Variants in AP1G1 observed in about 807,000 individuals in gnomAD.
AP1G1 encodes the protein adaptor related protein complex 1 subunit gamma 1.
In AP1G1, 7 loss-of-function variants were observed where a neutral mutation model predicts 108.3. The observed-to-expected ratio is 0.06, with a 90% CI of 0.04 to 0.12. AP1G1 has a LOEUF of 0.12. Among genes scored for constraint, AP1G1 ranks in the 10% least tolerant of loss-of-function variants. The probability of loss-of-function intolerance (pLI) is 1.00; values close to 1 mark genes in which losing one functional copy is unlikely to be tolerated. For synonymous variants in AP1G1, 379 were observed against 353.5 expected (o/e 1.07, Z -0.81); for missense variants, 756 against 1,010.7 (o/e 0.75, Z 3.42).
Position 71,808,796 on chromosome 16 carries a change from G to T in AP1G1, c.-37C>A. On this transcript the variant is annotated 5_prime_UTR_variant, in exon 1 of 23. Coordinates refer to ENST00000299980, the MANE Select transcript of AP1G1 (RefSeq NM_001128.6). ...AACCTCGAATGAAACCAGCAGCTCC[G>T]GGGGCGGCGGCAGCAGTGGCAGCAG... 1 of 1,289,628 alleles carries T rather than the reference G, an allele frequency of 7.8e-7. No homozygotes were observed. The highest frequency in any genetic ancestry group is 1.0e-6 in the Non-Finnish European group (1 of 988,746). The allele number at this position is 1,289,628 out of a possible 1,614,324, so 79.9% of individuals were successfully genotyped here.
intron 22 of AP1G1, 144 bp downstream of exon 22, chr16:71,734,465 A>G: frequency 1.5e-6 from 1 of 670,226 alleles, no homozygotes; most frequent in Non-Finnish European, 2.6e-6. Flanking sequence ...TATTTACAAA[A>G]GAGCAAGGAA....
At chr16:71,754,276 A>AGATG (rs1184353914) in intron 12 of AP1G1, among the ~76,000 whole-genome samples, 1 of 151,306 alleles carries the variant, frequency 6.6e-6, no homozygotes, top group African/African-American at 2.4e-5. Context: ...GAAGGAAAGA[A>AGATG]GATGGAAGGA....
chr16:71,796,154 A>G (rs968248006), intron 1 of AP1G1, among the ~76,000 whole-genome samples: 1 of 152,184 alleles, frequency 6.6e-6, no homozygotes, highest in Non-Finnish European at 1.5e-5. Context: ...TGGGAGGATC[A>G]CTTGAGCCAA....
intron 13 of AP1G1, among the ~76,000 whole-genome samples, chr16:71,750,878 C>T (rs904309420): frequency 6.6e-6 from 1 of 150,906 alleles, no homozygotes; most frequent in African/African-American, 2.4e-5. Context: ...GTCCAAAGGC[C>T]GGGTGTGGTG....
chr16:71,732,965 G>T lies in AP1G1; in HGVS notation c.*93C>A. On this transcript the variant is annotated 3_prime_UTR_variant, in exon 23 of 23. Transcript: ENST00000299980. ...GTTCTCTTCAGCTCCTCATGCCCGTGGTACAGTTGGGGGGGACTTGCCAGC... is the reference window on the plus strand; with the variant it reads ...GTTCTCTTCAGCTCCTCATGCCCGTTGTACAGTTGGGGGGGACTTGCCAGC... 1 of 943,182 alleles carries T rather than the reference G, an allele frequency of 1.1e-6. No homozygotes were observed. 58.4% of individuals were successfully genotyped at this position (943,182 alleles called of 1,614,324 possible). A position where few individuals can be genotyped will look rare whatever the true frequency, so the allele number is the denominator to read the frequency against.
chr16:71,801,110 C>T (rs1252889170), intron 1 of AP1G1, among the ~76,000 whole-genome samples: 1 of 152,030 alleles, frequency 6.6e-6, no homozygotes, highest in Non-Finnish European at 1.5e-5. Context: ...AGTTTGATAC[C>T]AGCCAGGCCA....
At chr16:71,794,499 T>C (rs1008648463) in intron 1 of AP1G1, among the ~76,000 whole-genome samples, 2 of 152,186 alleles carry the variant, frequency 1.3e-5, no homozygotes, top group Non-Finnish European at 2.9e-5. Flanking sequence ...TTTCAGTTTT[T>C]ATTAACAGTT....
rs780767852 is a variant in AP1G1, at chr16:71,733,169, G to A, written c.2368-10C>T. 1.2e-6 allele frequency: 2 copies of A among 1,602,490 alleles called. No individual in the cohort carries two copies. The highest frequency in any genetic ancestry group is 1.3e-5 in the African/African-American group (1 of 74,596). On this transcript the variant is annotated splice_polypyrimidine_tract_variant and intron_variant, in intron 22 of 22. Transcript: ENST00000299980. ...GCATTCGCAGCTGTTGCTATAAGAGGAAAAGAGAAGTGCAAATTATATACT... is the reference window on the plus strand; with the variant it reads ...GCATTCGCAGCTGTTGCTATAAGAGAAAAAGAGAAGTGCAAATTATATACT...
chr16:71,765,450 T>C lies in AP1G1; in HGVS notation c.738+39A>G, dbSNP rs369646846. The C allele has an allele frequency of 1.1e-4, 165 of 1,451,042 alleles. 1 individual carries two copies. The highest frequency in any genetic ancestry group is 1.8e-4 in the Admixed American group (10 of 56,350). 89.9% of individuals were successfully genotyped at this position (1,451,042 alleles called of 1,614,324 possible). A position where few individuals can be genotyped will look rare whatever the true frequency, so the allele number is the denominator to read the frequency against. ...AAATTGTCTACTTAAAGATATTAAA[T>C]TCATATAACATTTATTTAAAACGTT... is the stretch of plus-strand genomic sequence containing the variant. On this transcript the variant is annotated intron_variant, in intron 7 of 22. Coordinates refer to ENST00000299980, the MANE Select transcript of AP1G1 (RefSeq NM_001128.6).
At position 71,744,951 on chromosome 16, in the gene AP1G1, C is replaced by A. The variant is rs564336362; in HGVS notation, c.1999+193G>T. Among the ~76,000 whole-genome samples the A allele has an allele frequency of 2.6e-5, 4 of 152,276 alleles. No homozygotes were observed. The Middle Eastern group carries it at 0.014, about 518-fold the overall frequency. On this transcript the variant is annotated intron_variant, in intron 19 of 22. Coordinates refer to ENST00000299980, the MANE Select transcript of AP1G1 (RefSeq NM_001128.6). ...AATTAGGAGTTTGCCTTTAAGAAATCCGTATAAATTATCTTTAGAGCATTA... is the reference window on the plus strand; with the variant it reads ...AATTAGGAGTTTGCCTTTAAGAAATACGTATAAATTATCTTTAGAGCATTA...
At position 71,765,500 on chromosome 16, in the gene AP1G1, G is replaced by T; in HGVS notation, c.727C>A (p.Pro243Thr). ...TCTTTCAACCTCACCTGCAAAAAGG[G>T]GTCACTGATACCAGAAACATCATGT... ...PEHDVSGISD[P>T]FLQVRILRLL... The change falls in exon 7 of 23, where the codon CCC becomes ACC. Residue 243 changes from proline (P) to threonine (T), a missense_variant. Transcript: ENST00000299980. The T allele has an allele frequency of 6.2e-7, 1 of 1,611,320 alleles. No homozygotes were observed. The highest frequency in any genetic ancestry group is 8.5e-7 in the Non-Finnish European group (1 of 1,178,028).
rs772411181 is a variant in AP1G1 at position 71,789,423 on chromosome 16, G to A, written c.57C>T (p.Thr19=). The A allele has an allele frequency of 1.2e-6, 2 of 1,614,150 alleles. No individual in the cohort carries two copies. Among genetic ancestry groups the A allele is most frequent in the Non-Finnish European group, 1.7e-6 (2 of 1,180,038 alleles). Residue 19 remains threonine (T), a synonymous_variant, in exon 2 of 23, where the codon ACC becomes ACT. Coordinates refer to ENST00000299980, the MANE Select transcript of AP1G1 (RefSeq NM_001128.6). ...ELIRTIRTAR[T]QAEEREMIQK... is the part of the protein sequence containing the mutation. ...GGATCATTTCTCGTTCTTCAGCTTG[G>A]GTTCGGGCTGTCCGGATGGTCCGGA...
chr16:71,763,823 A>G (rs1223054771), intron 9 of AP1G1, among the ~76,000 whole-genome samples: 1 of 152,236 alleles, frequency 6.6e-6, no homozygotes, highest in African/African-American at 2.4e-5. Context: ...GAACAAATTC[A>G]TGAAGGAGAA....
intron 16 of AP1G1, 46 bp from the exon 17 acceptor site, chr16:71,746,738 C>A: frequency 7.1e-7 from 1 of 1,411,342 alleles, no homozygotes; most frequent in East Asian, 2.3e-5. Flanking sequence ...AAAGAAAATT[C>A]ACAAATAAGC....
intron 4 of AP1G1, chr16:71,773,002 G>T (rs766622013): frequency 3.1e-6 from 2 of 636,634 alleles, no homozygotes; most frequent in South Asian, 3.1e-5. Context: ...TAGGAATTTG[G>T]TATGCCACCT....
chr16:71,767,732 C>A, intron 6 of AP1G1: 1 of 776,230 alleles, frequency 1.3e-6, no homozygotes, highest in Non-Finnish European at 2.0e-6. Flanking sequence ...AGGAAGTTAG[C>A]CAAAGATGGT....
chr16:71,759,860 A>G (rs1013456551), intron 10 of AP1G1, among the ~76,000 whole-genome samples: 6 of 152,098 alleles, frequency 3.9e-5, no homozygotes, highest in African/African-American at 9.6e-5. Flanking sequence ...AGTAAAACAA[A>G]AAGAGCATAT....
intron 19 of AP1G1, among the ~76,000 whole-genome samples, chr16:71,740,385 T>A (rs758900294): frequency 6.6e-6 from 1 of 152,208 alleles, no homozygotes; most frequent in Non-Finnish European, 1.5e-5. Context: ...GAGAACCGAT[T>A]ACCCCTTCTT....
rs551330343 is a variant in AP1G1 at position 71,730,311 on chromosome 16, G to A, written c.*2747C>T. ...TCTCCTTTAGGATTCCCCGGGATGG[G>A]GCAGAAACTAGAATAGAAACGACTC... On this transcript the variant is annotated 3_prime_UTR_variant, in exon 23 of 23. Transcript: ENST00000299980. 2.8e-4 allele frequency: 42 copies of A among 152,424 alleles called. No individual in the cohort carries two copies. Among genetic ancestry groups the A allele is most frequent in the African/African-American group, 9.4e-4 (39 of 41,518 alleles). The allele number at this position is 152,424 out of a possible 1,614,324, so 9.4% of individuals were successfully genotyped here.
Sources: gnomAD v4.1 joint callset for allele counts (sites outside exome capture counted in the v4.1 genomes callset) on GRCh38, gnomAD v4.1.1 for gene constraint, MANE v1.5 for transcripts, NCBI Gene and HGNC (gene_info 2026-07-23, HGNC 2026-07-21) for gene names.